Variants in MYLK4 observed in about 807,000 individuals in gnomAD.
MYLK4 encodes caMLCK like.
Under a neutral mutation model 48.1 loss-of-function variants are expected in MYLK4, and 46 were observed. The observed-to-expected ratio is 0.96, with a 90% confidence interval of 0.75 to 1.22. The LOEUF is 1.22. Ranked by LOEUF, MYLK4 falls within the 50% of genes most tolerant of loss-of-function variation. MYLK4 has a pLI of 0.00. For synonymous variants in MYLK4, 170 were observed against 180.8 expected (o/e 0.94, Z 0.48); for missense variants, 451 against 486.1 (o/e 0.93, Z 0.68).
At chr6:2,725,655 GAGAAAGAA>G (rs66522521) in intron 2 of MYLK4, among the ~76,000 whole-genome samples, 41 of 150,082 alleles carry the variant, frequency 2.7e-4, no homozygotes, top group Non-Finnish European at 5.5e-4. Flanking sequence ...AAGAGAGAGA[GAGAAAGAA>G]AGAAAGAAAA....
chr6:2,680,431 G>T lies in MYLK4; in HGVS notation c.688-140C>A, dbSNP rs912954547. On this transcript the variant is annotated intron_variant, in intron 7 of 12. Transcript: ENST00000274643. ...CTTCGGGGCGGGCTTGTCCGTGTGG[G>T]TACTTTCTCCTTTAATTATGTGGTG... 1.5e-5 allele frequency: 22 copies of T among 1,512,604 alleles called. No individual in the cohort carries two copies. In the African/African-American group the frequency reaches 1.5e-4, roughly 11 times the overall value. The allele number at this position is 1,512,604 out of a possible 1,614,324, so 93.7% of individuals were successfully genotyped here.
intron 2 of MYLK4, among the ~76,000 whole-genome samples, chr6:2,743,465 G>A (rs1763965396): frequency 6.6e-6 from 1 of 152,180 alleles, no homozygotes; most frequent in Non-Finnish European, 1.5e-5. Flanking sequence ...TGCATTATCA[G>A]GCGACAGCTC....
intron 2 of MYLK4, among the ~76,000 whole-genome samples, chr6:2,694,490 C>CATGGTGATGGTGGTGATGGTGGTG (rs1761943045): frequency 1.0e-3 from 1 of 962 alleles, no homozygotes; most frequent in African/African-American, 3.2e-3. Flanking sequence ...TGGTAGTGGT[C>CATGGTGATGGTGGTGATGGTGGTG]ATGGTGGTGG....
Position 2,667,117 on chromosome 6 carries a change from A to C in MYLK4, c.*808T>G, listed in dbSNP as rs1393378800. On this transcript the variant is annotated 3_prime_UTR_variant, in exon 13 of 13. Coordinates refer to ENST00000274643, the MANE Select transcript of MYLK4 (RefSeq NM_001012418.5). The stretch of plus-strand genomic sequence containing the variant: ...CTGTTGTGACTGTTGACATTATTTC[A>C]AAGGTCAGAATTTCAAAGTCCAACC... 1 of 152,200 alleles carries C rather than the reference A, an allele frequency of 6.6e-6. No homozygotes were observed. The highest frequency in any genetic ancestry group is 2.4e-5 in the African/African-American group (1 of 41,430). The allele number at this position is 152,200 out of a possible 1,614,324, so 9.4% of individuals were successfully genotyped here.
chr6:2,725,589 A>AAGAAAGAAAGAAAG (rs1763237472), intron 2 of MYLK4, among the ~76,000 whole-genome samples: 2 of 145,148 alleles, frequency 1.4e-5, no homozygotes, highest in Non-Finnish European at 1.5e-5. Context: ...AAGAAAGAGA[A>AAGAAAGAAAGAAAG]AGAAAGAAAG....
rs1760534973 is a variant in MYLK4, at chr6:2,663,766, A to G, written c.*4159T>C. 1 of 152,596 alleles carries G rather than the reference A, an allele frequency of 6.6e-6. No individual in the cohort carries two copies. Among genetic ancestry groups the G allele is most frequent in the Non-Finnish European group, 1.5e-5 (1 of 68,038 alleles). 9.5% of individuals were successfully genotyped at this position (152,596 alleles called of 1,614,324 possible). On this transcript the variant is annotated 3_prime_UTR_variant, in exon 13 of 13. Transcript: ENST00000274643. Reference sequence around the variant, plus strand: ...TAAAATATACATGATAGACACAATCACCACGTTATGAATCCTTTTTTTAAT... The same window carrying G: ...TAAAATATACATGATAGACACAATCGCCACGTTATGAATCCTTTTTTTAAT...
chr6:2,762,830 A>C, the MYLK4 span, among the ~76,000 whole-genome samples: 1 of 152,200 alleles, frequency 6.6e-6, no homozygotes, highest in East Asian at 1.9e-4. Flanking sequence ...TTAGGTCAGC[A>C]TCTCTTAAGT....
intron 2 of MYLK4, among the ~76,000 whole-genome samples, chr6:2,703,665 C>CTTTTTTTTTTTTTTTTTTTTTTTTTTTTT (rs3055234): frequency 1.1e-5 from 1 of 95,118 alleles, no homozygotes; most frequent in Non-Finnish European, 1.9e-5. Context: ...TTTGTGAATT[C>CTTTTTTTTTTTTTTTTTTTTTTTTTTTTT]TTTTTTTTTT....
the MYLK4 span, among the ~76,000 whole-genome samples, chr6:2,764,534 C>A: frequency 7.3e-5 from 11 of 151,210 alleles, no homozygotes; most frequent in Admixed American, 4.6e-4. Flanking sequence ...TTTTGAGATA[C>A]ATGTTTTAAA....
intron 2 of MYLK4, among the ~76,000 whole-genome samples, chr6:2,714,609 T>A (rs1762801458): frequency 6.6e-6 from 1 of 152,246 alleles, no homozygotes; most frequent in Non-Finnish European, 1.5e-5. Flanking sequence ...CACTTCTGAG[T>A]ATAGATCCAT....
chr6:2,740,764 T>C (rs1763873367), intron 2 of MYLK4, among the ~76,000 whole-genome samples: 1 of 152,250 alleles, frequency 6.6e-6, no homozygotes, highest in Non-Finnish European at 1.5e-5. Flanking sequence ...CCTCATTTTC[T>C]ATACTAAACG....
At chr6:2,753,601 C>T (rs1226939744), upstream of MYLK4, among the ~76,000 whole-genome samples, 11 of 151,974 alleles carry the variant, frequency 7.2e-5, no homozygotes, top group African/African-American at 2.7e-4. Flanking sequence ...ATGAAAAGAC[C>T]AGCTACAGAT....
chr6:2,765,086 T>C, the MYLK4 span, among the ~76,000 whole-genome samples: 1 of 151,408 alleles, frequency 6.6e-6, no homozygotes, highest in African/African-American at 2.4e-5. Context: ...GCGCAGTCCG[T>C]GGCTCCTCCC....
chr6:2,747,327 C>T (rs1764132112), intron 2 of MYLK4, among the ~76,000 whole-genome samples: 1 of 151,992 alleles, frequency 6.6e-6, no homozygotes, highest in South Asian at 2.1e-4. Context: ...ATTTATGTTC[C>T]AACTTAGCAC....
chr6:2,751,574 C>A (rs912439216), upstream of MYLK4, among the ~76,000 whole-genome samples: 2 of 152,198 alleles, frequency 1.3e-5, no homozygotes, highest in African/African-American at 4.8e-5. Context: ...CCTAGATTCA[C>A]TGAAGTGGCA....
At chr6:2,694,385 G>T (rs1761934606) in intron 2 of MYLK4, among the ~76,000 whole-genome samples, 1 of 149,604 alleles carries the variant, frequency 6.7e-6, no homozygotes, top group African/African-American at 2.5e-5. Context: ...TTTCCCACTA[G>T]ACTGTGGACT....
intron 3 of MYLK4, among the ~76,000 whole-genome samples, chr6:2,691,678 A>G (rs985932176): frequency 1.3e-5 from 2 of 152,242 alleles, no homozygotes; most frequent in Non-Finnish European, 2.9e-5. Context: ...TATTGCTAAA[A>G]ATGAAACTGT....
chr6:2,742,721 G>T, intron 2 of MYLK4, among the ~76,000 whole-genome samples: 1 of 112,934 alleles, frequency 8.9e-6, no homozygotes, highest in Non-Finnish European at 1.8e-5. Context: ...ACTGTTGTGG[G>T]GTGGGGGGAG....
At chr6:2,693,110 CTATAT>C (rs758506557) in intron 2 of MYLK4, among the ~76,000 whole-genome samples, 23 of 152,130 alleles carry the variant, frequency 1.5e-4, no homozygotes, top group Non-Finnish European at 2.9e-4. Flanking sequence ...CTGAAAACTA[CTATAT>C]TATATGATTC....
Sources: gnomAD v4.1 joint callset for allele counts (sites outside exome capture counted in the v4.1 genomes callset) on GRCh38, gnomAD v4.1.1 for gene constraint, MANE v1.5 for transcripts, NCBI Gene and HGNC (gene_info 2026-07-23, HGNC 2026-07-21) for gene names.